Variants in MEI4 observed in about 807,000 individuals in gnomAD.
The protein encoded by MEI4 is meiotic double-stranded break formation protein 4.
In MEI4, 27 loss-of-function variants were observed where a neutral mutation model predicts 31.4. That is an observed-to-expected ratio of 0.86 (90% CI 0.63 to 1.19). The LOEUF (loss-of-function observed/expected upper bound fraction) is 1.19, where lower values mean the gene tolerates loss of function less well. MEI4 is among the 50% of genes most tolerant of loss of function. The pLI, the probability that MEI4 is intolerant of heterozygous loss-of-function variation, is 0.00. For missense variants in MEI4, 329 were observed against 398.9 expected (o/e 0.82, Z 1.49); for synonymous variants, 122 against 145.4 (o/e 0.84, Z 1.16).
Position 77,774,796 on chromosome 6 carries a change from G to T in MEI4, c.768+13131G>T, listed in dbSNP as rs148718513. 7.9e-5 allele frequency among the ~76,000 whole-genome samples: 12 copies of T among 152,034 alleles called. No homozygotes were observed. The East Asian group carries it at 2.3e-3, about 29-fold the overall frequency. On this transcript the variant is annotated intron_variant, in intron 3 of 4. Coordinates refer to ENST00000684080, the MANE Select transcript of MEI4 (RefSeq NM_001322247.2). ...GTTTAGAAAAATATAGACTGGAAAG[G>T]ATTGGTATGTTGCCTACTGTATTAG...
intron 4 of MEI4, among the ~76,000 whole-genome samples, chr6:77,846,467 G>C (rs985692136): frequency 1.3e-5 from 2 of 151,884 alleles, no homozygotes; most frequent in Admixed American, 6.6e-5. Flanking sequence ...TCAGAGCTTT[G>C]CCCTGCTTTA....
chr6:77,794,916 T>C (rs1020798695), intron 3 of MEI4, among the ~76,000 whole-genome samples: 2 of 152,222 alleles, frequency 1.3e-5, no homozygotes, highest in Non-Finnish European at 2.9e-5. Flanking sequence ...AGTATAAAGT[T>C]AGAAATCAGT....
chr6:77,842,963 G>A (rs149730885), intron 4 of MEI4, among the ~76,000 whole-genome samples: 55 of 151,858 alleles, frequency 3.6e-4, no homozygotes, highest in Non-Finnish European at 2.5e-4. Context: ...TCTAGACTTC[G>A]AGGGTTTCAC....
intron 4 of MEI4, among the ~76,000 whole-genome samples, chr6:77,848,631 C>T (rs190209304): frequency 6.6e-6 from 1 of 152,224 alleles, no homozygotes; most frequent in East Asian, 1.9e-4. Context: ...GGTTGTGATG[C>T]AGCACATCTA....
rs138399463 is a variant in MEI4, at chr6:77,679,319, T to C, written c.-14-11339T>C. On this transcript the variant is annotated intron_variant, in intron 1 of 4. Transcript: ENST00000684080. ...ATTCATCTTAAGTGCCCTATACAGGTATACCATTTTTAAATCTTTTATATC... is the reference window on the plus strand; with the variant it reads ...ATTCATCTTAAGTGCCCTATACAGGCATACCATTTTTAAATCTTTTATATC... 1.1e-3 allele frequency among the ~76,000 whole-genome samples: 160 copies of C among 152,318 alleles called. 1 individual carries two copies. In the East Asian group the frequency reaches 0.016, roughly 15 times the overall value.
chr6:77,795,215 T>C (rs1318267896), intron 3 of MEI4, among the ~76,000 whole-genome samples: 1 of 152,058 alleles, frequency 6.6e-6, no homozygotes, highest in Non-Finnish European at 1.5e-5. Flanking sequence ...TAATAATGAT[T>C]AGCACAGAAA....
intron 2 of MEI4, among the ~76,000 whole-genome samples, chr6:77,699,413 C>T (rs13191190): frequency 0.37 from 56,290 of 151,252 alleles, 11,742 homozygotes; most frequent in East Asian, 0.5. Context: ...GGGATGGTCT[C>T]GATCTCCTGA....
chr6:77,804,662 A>C (rs1056830291), intron 3 of MEI4, among the ~76,000 whole-genome samples: 1 of 152,140 alleles, frequency 6.6e-6, no homozygotes, highest in Non-Finnish European at 1.5e-5. Flanking sequence ...TCTCTGTTCT[A>C]GAATCATTTG....
intron 1 of MEI4, among the ~76,000 whole-genome samples, chr6:77,656,580 GC>G (rs1307580681): frequency 6.6e-6 from 1 of 152,154 alleles, no homozygotes; most frequent in Non-Finnish European, 1.5e-5. Context: ...TAACTCTAGT[GC>G]CTGGCACAAT....
chr6:77,737,778 T>C (rs1277564511), intron 2 of MEI4, among the ~76,000 whole-genome samples: 2 of 152,082 alleles, frequency 1.3e-5, no homozygotes, highest in Non-Finnish European at 2.9e-5. Flanking sequence ...GTCAATGGAA[T>C]GTATATGGAG....
intron 4 of MEI4, among the ~76,000 whole-genome samples, chr6:77,831,859 A>G (rs1028672693): frequency 1.3e-5 from 2 of 152,068 alleles, no homozygotes; most frequent in Non-Finnish European, 2.9e-5. Flanking sequence ...ATAGTTAATT[A>G]TAACTAAATT....
chr6:77,683,602 C>T (rs894421412), intron 1 of MEI4, among the ~76,000 whole-genome samples: 3 of 152,120 alleles, frequency 2.0e-5, no homozygotes, highest in Admixed American at 2.0e-4. Flanking sequence ...ATCTCTGTCT[C>T]TATAGGTTTG....
intron 3 of MEI4, among the ~76,000 whole-genome samples, chr6:77,808,522 A>G (rs1456945517): frequency 6.6e-6 from 1 of 152,172 alleles, no homozygotes; most frequent in Admixed American, 6.5e-5. Flanking sequence ...AAAAAAATGA[A>G]AACAGGAGAG....
At chr6:77,715,597 T>A (rs923752252) in intron 2 of MEI4, among the ~76,000 whole-genome samples, 18 of 152,336 alleles carry the variant, frequency 1.2e-4, no homozygotes, top group African/African-American at 4.1e-4. Context: ...CTATGCTAGA[T>A]AATAGACTCT....
At position 77,924,841 on chromosome 6, in the gene MEI4, T is replaced by A. The variant is rs1562042684; in HGVS notation, c.*1495T>A. ...AAAGTGACTGACAGGGGAGTAGACT[T>A]GAGTGGGAGAACTTGCAGTTACAGG... is the stretch of plus-strand genomic sequence containing the variant. On this transcript the variant is annotated 3_prime_UTR_variant, in exon 5 of 5. Transcript: ENST00000684080. 6.6e-6 allele frequency: 1 copy of A among 151,788 alleles called. No individual in the cohort carries two copies. Among genetic ancestry groups the A allele is most frequent in the Non-Finnish European group, 1.5e-5 (1 of 67,888 alleles). The allele number at this position is 151,788 out of a possible 1,614,324, so 9.4% of individuals were successfully genotyped here.
chr6:77,713,460 G>C (rs775092862), intron 2 of MEI4, among the ~76,000 whole-genome samples: 58 of 152,178 alleles, frequency 3.8e-4, no homozygotes, highest in Admixed American at 9.2e-4. Context: ...AGTAGATTAT[G>C]TTGTGGAAAA....
Position 77,820,656 on chromosome 6 carries a change from T to C in MEI4, c.769-8275T>C, listed in dbSNP as rs1467596010. 3.9e-5 allele frequency among the ~76,000 whole-genome samples: 6 copies of C among 152,270 alleles called. No individual in the cohort carries two copies. In the East Asian group the frequency reaches 1.2e-3, roughly 29 times the overall value. ...TGAAAACGTCTTATTTTCTCTTTGT[T>C]CTTGAAGGATAGTTCTAGTGGGTAC... On this transcript the variant is annotated intron_variant, in intron 3 of 4. Coordinates refer to ENST00000684080, the MANE Select transcript of MEI4 (RefSeq NM_001322247.2). This position sits in a 1 kb window ranked among gnomAD's most constrained non-coding sequence, Gnocchi z 4.5.
rs141006450 is a variant in MEI4, at chr6:77,667,955, C to T, written c.-15+14863C>T. ...ATCAGTTGCATGACTATAGATCTAG[C>T]TTAAAAAAAAAAAAAGGCTTATAAT... On this transcript the variant is annotated intron_variant, in intron 1 of 4. Transcript: ENST00000684080. Among the ~76,000 whole-genome samples, 909 of 142,200 alleles carry T rather than the reference C, an allele frequency of 6.4e-3. 11 individuals are homozygous for T. Among genetic ancestry groups the T allele is most frequent in the African/African-American group, 0.022 (859 of 38,768 alleles). 93.3% of individuals were successfully genotyped at this position (142,200 alleles called of 152,430 possible).
rs550130351 is a variant in MEI4 at position 77,712,162 on chromosome 6, GA to G, written c.232+21260del. ...GCATGATTTACAAGTAAATGTTTAA[GA>G]GGGTACTTTGTTTGTTTGCATATAC... On this transcript the variant is annotated intron_variant, in intron 2 of 4. Coordinates refer to ENST00000684080, the MANE Select transcript of MEI4 (RefSeq NM_001322247.2). Among the ~76,000 whole-genome samples the G allele has an allele frequency of 1.4e-3, 213 of 152,274 alleles. 1 individual carries two copies. The highest frequency in any genetic ancestry group is 4.5e-3 in the African/African-American group (187 of 41,546).
Sources: allele counts gnomAD v4.1 joint callset (sites outside exome capture counted in the v4.1 genomes callset), GRCh38; gene constraint gnomAD v4.1.1; non-coding constraint Gnocchi (gnomAD v3.1); transcripts MANE v1.5; gene names NCBI Gene and HGNC (gene_info 2026-07-23, HGNC 2026-07-21).